Variants in ZNF532 observed in about 807,000 individuals in gnomAD.
ZNF532 encodes the protein zinc finger protein 532.
Under a neutral mutation model 89.3 loss-of-function variants are expected in ZNF532, and 22 were observed. That is an observed-to-expected ratio of 0.25 (90% CI 0.18 to 0.35). The LOEUF (loss-of-function observed/expected upper bound fraction) is 0.35, where lower values mean the gene tolerates loss of function less well. ZNF532 is among the 10% of genes least tolerant of loss of function. The pLI is 1.00. For synonymous variants in ZNF532, 606 were observed against 649.6 expected, an observed-to-expected ratio of 0.93 and a Z score of 1.02; for missense variants, 1,132 against 1,643.4, an observed-to-expected ratio of 0.69 and a Z score of 5.38.
chr18:58,871,842 G>T (rs2057009335), intron 2 of ZNF532, among the ~76,000 whole-genome samples: 1 of 152,220 alleles, frequency 6.6e-6, no homozygotes, highest in Non-Finnish European at 1.5e-5. Context: ...TTATTTTATT[G>T]GGCACTGGGG....
At chr18:58,982,375 C>A (rs1329061951) in intron 9 of ZNF532, among the ~76,000 whole-genome samples, 1 of 151,780 alleles carries the variant, frequency 6.6e-6, no homozygotes, top group African/African-American at 2.4e-5. Context: ...AATCCCAGCA[C>A]TTTGGGAAGC....
chr18:58,875,931 CTTTTTTTTTT>C (rs71173091), intron 2 of ZNF532, among the ~76,000 whole-genome samples: 1 of 112,862 alleles, frequency 8.9e-6, no homozygotes, highest in Non-Finnish European at 1.7e-5. Flanking sequence ...ACTTGGGGAT[CTTTTTTTTTT>C]TTTTTTTTTG....
chr18:58,901,670 A>G lies in ZNF532; in HGVS notation c.-17-16601A>G, dbSNP rs141302893. On this transcript the variant is annotated intron_variant, in intron 2 of 9. Transcript: ENST00000591808. ...AATACACAAGCAGACAACAGTACCT[A>G]TTACAAGTGACGATGAGTCCACCTG... Among the ~76,000 whole-genome samples the G allele has an allele frequency of 7.9e-5, 12 of 152,300 alleles. No homozygotes were observed. In the East Asian group the frequency reaches 1.7e-3, roughly 22 times the overall value.
chr18:58,955,393 G>C (rs542080110), intron 7 of ZNF532, among the ~76,000 whole-genome samples: 1 of 152,184 alleles, frequency 6.6e-6, no homozygotes, highest in Non-Finnish European at 1.5e-5. Context: ...GTTCAAATAC[G>C]TGACGTTTTC....
chr18:58,903,800 C>G (rs2059751165), intron 2 of ZNF532, among the ~76,000 whole-genome samples: 1 of 152,120 alleles, frequency 6.6e-6, no homozygotes, highest in Non-Finnish European at 1.5e-5. Context: ...AGATTTGAAC[C>G]TCTCTGAAGT....
intron 3 of ZNF532, among the ~76,000 whole-genome samples, chr18:58,921,703 G>A (rs1407966870): frequency 6.6e-6 from 1 of 152,226 alleles, no homozygotes; most frequent in East Asian, 1.9e-4. Context: ...TTAGCTAATA[G>A]ATAAATGTGT....
At chr18:58,938,630 A>G (rs2146581936) in intron 4 of ZNF532, among the ~76,000 whole-genome samples, 1 of 152,364 alleles carries the variant, frequency 6.6e-6, no homozygotes, top group East Asian at 1.9e-4. Flanking sequence ...GTGGACCACC[A>G]TGAACCCCAC....
At chr18:58,963,249 A>T (rs2065542100) in intron 7 of ZNF532, among the ~76,000 whole-genome samples, 1 of 152,210 alleles carries the variant, frequency 6.6e-6, no homozygotes, top group Non-Finnish European at 1.5e-5. Context: ...TTCTGTTCCT[A>T]AAGCCTTTAA....
chr18:58,904,281 G>C (rs555075384), intron 2 of ZNF532, among the ~76,000 whole-genome samples: 1 of 151,972 alleles, frequency 6.6e-6, no homozygotes, highest in Non-Finnish European at 1.5e-5. Flanking sequence ...GAGCCTGGGA[G>C]GGGGAGGCTG....
chr18:58,902,514 T>C (rs1050975005), intron 2 of ZNF532, among the ~76,000 whole-genome samples: 26 of 150,978 alleles, frequency 1.7e-4, no homozygotes, highest in Admixed American at 1.4e-3. Flanking sequence ...TTTTTTGAGA[T>C]GGAGTTTTGC....
At chr18:58,941,840 C>T (rs1297016771) in intron 5 of ZNF532, among the ~76,000 whole-genome samples, 1 of 147,742 alleles carries the variant, frequency 6.8e-6, no homozygotes, top group African/African-American at 2.5e-5. Context: ...TCTCTCTTCC[C>T]CTCACCTCCC....
At position 58,918,655 on chromosome 18, in the gene ZNF532, A is replaced by C; in HGVS notation, c.368A>C (p.Asp123Ala). 1 of 1,614,084 alleles carries C rather than the reference A, an allele frequency of 6.2e-7. No homozygotes were observed. Among genetic ancestry groups the C allele is most frequent in the East Asian group, 2.2e-5 (1 of 44,878 alleles). Reference protein sequence around the residue: ...DVPASEVTLKDSTFSQFSPIS... With the variant: ...DVPASEVTLKASTFSQFSPIS... ...CCTGCCTCTGAGGTGACACTGAAAGACTCGACATTCAGCCAGTTTAGCCCG... is the reference window on the plus strand; with the variant it reads ...CCTGCCTCTGAGGTGACACTGAAAGCCTCGACATTCAGCCAGTTTAGCCCG... Residue 123 changes from aspartate (D) to alanine (A), a missense_variant, in exon 3 of 10, where the codon GAC (aspartate) becomes GCC (alanine). Physicochemically the swap from Asp to Ala is moderately radical, Grantham distance 126. Transcript: ENST00000591808.
At position 58,919,046 on chromosome 18, in the gene ZNF532, C is replaced by T. The variant is rs754043520; in HGVS notation, c.759C>T (p.Leu253=). The T allele has an allele frequency of 2.0e-5, 32 of 1,613,840 alleles. No homozygotes were observed. The highest frequency in any genetic ancestry group is 3.3e-5 in the South Asian group (3 of 91,084). ...KLSSEKNDTS[L]PSVAPSKTKS... is the part of the protein sequence containing the mutation. ...GCTCCGAGAAGAATGACACCAGCCT[C>T]CCCAGCGTTGCGCCATCAAAGACAA... Residue 253 remains leucine, a synonymous_variant, in exon 3 of 10, where the codon CTC becomes CTT. Coordinates refer to ENST00000591808, the MANE Select transcript of ZNF532 (RefSeq NM_001375912.1). The surrounding 1 kb of genome is among the most constrained non-coding windows in gnomAD (Gnocchi z 6.1).
At chr18:58,869,513 A>AACAATAGAATAGAAATTT (rs1156280513) in intron 2 of ZNF532, among the ~76,000 whole-genome samples, 1 of 152,238 alleles carries the variant, frequency 6.6e-6, no homozygotes, top group Non-Finnish European at 1.5e-5. Flanking sequence ...AACACAAAAC[A>AACAATAGAATAGAAATTT]ACAATAGAAT....
chr18:58,930,114 T>G (rs538605389), intron 3 of ZNF532, among the ~76,000 whole-genome samples: 4 of 152,320 alleles, frequency 2.6e-5, no homozygotes, highest in Non-Finnish European at 5.9e-5. Context: ...CTCACTCTCA[T>G]GTACCTCTCC....
At chr18:58,899,539 A>C (rs1237718855) in intron 2 of ZNF532, among the ~76,000 whole-genome samples, 1 of 151,706 alleles carries the variant, frequency 6.6e-6, no homozygotes, top group Admixed American at 6.6e-5. Flanking sequence ...CGCGATCTTG[A>C]CTCACTGCAA....
chr18:58,897,888 G>T (rs1019757938), intron 2 of ZNF532, among the ~76,000 whole-genome samples: 2 of 152,194 alleles, frequency 1.3e-5, no homozygotes, highest in African/African-American at 4.8e-5. Flanking sequence ...AGAGGCGGAG[G>T]TTGCAGTGAG....
At chr18:58,901,274 T>C (rs553083433) in intron 2 of ZNF532, among the ~76,000 whole-genome samples, 2 of 152,298 alleles carry the variant, frequency 1.3e-5, no homozygotes, top group Admixed American at 6.5e-5. Flanking sequence ...TTTTCTTTTT[T>C]AGAGATGGAG....
chr18:58,966,124 C>T (rs1205303150), intron 7 of ZNF532, among the ~76,000 whole-genome samples: 2 of 152,036 alleles, frequency 1.3e-5, no homozygotes, highest in Non-Finnish European at 2.9e-5. Context: ...CCCTCCTACT[C>T]TCCTACCCTC....
Sources: allele counts gnomAD v4.1 joint callset (sites outside exome capture counted in the v4.1 genomes callset), GRCh38; gene constraint gnomAD v4.1.1; non-coding constraint Gnocchi (gnomAD v3.1); transcripts MANE v1.5; gene names NCBI Gene and HGNC (gene_info 2026-07-23, HGNC 2026-07-21).